The following SORCS3 variants were observed in gnomAD, a reference collection of about 807,000 sequenced individuals.
SORCS3 encodes VPS10 domain-containing receptor SorCS3.
A neutral mutation model predicts 146.3 loss-of-function variants in SORCS3; 57 were observed. The ratio of observed to expected loss-of-function variants is 0.39; its 90% CI spans 0.31 to 0.49. The LOEUF is 0.49. Among genes scored for constraint, SORCS3 ranks in the 20% least tolerant of loss-of-function variants. SORCS3 has a pLI of 0.92. For missense variants in SORCS3, 1,341 were observed against 1,575.5 expected, an observed-to-expected ratio of 0.85 and a Z score of 2.52; for synonymous variants, 653 against 618.5, an observed-to-expected ratio of 1.06 and a Z score of -0.83.
At chr10:104,719,714 A>T (rs2016520990) in intron 1 of SORCS3, among the ~76,000 whole-genome samples, 1 of 152,194 alleles carries the variant, frequency 6.6e-6, no homozygotes, top group African/African-American at 2.4e-5. Context: ...GGGTGTATTT[A>T]TTACTTTAAG....
At chr10:104,960,863 A>G (rs1283784952) in intron 3 of SORCS3, among the ~76,000 whole-genome samples, 2 of 152,108 alleles carry the variant, frequency 1.3e-5, no homozygotes, top group African/African-American at 2.4e-5. Context: ...CCCTTTTTTG[A>G]TGTTCACTGG....
intron 4 of SORCS3, among the ~76,000 whole-genome samples, chr10:104,988,165 T>TG (rs1564729256): frequency 6.6e-6 from 1 of 152,202 alleles, no homozygotes; most frequent in Non-Finnish European, 1.5e-5. Flanking sequence ...GTGAGGGGAC[T>TG]GCCTGCTCTC....
intron 14 of SORCS3, among the ~76,000 whole-genome samples, chr10:105,196,966 A>G (rs1465733257): frequency 6.6e-6 from 1 of 152,138 alleles, no homozygotes; most frequent in Non-Finnish European, 1.5e-5. Flanking sequence ...TGCTTCTTCC[A>G]TCTTCCTGAA....
At chr10:104,775,525 T>C (rs576076756) in intron 1 of SORCS3, among the ~76,000 whole-genome samples, 1 of 152,076 alleles carries the variant, frequency 6.6e-6, no homozygotes, top group South Asian at 2.1e-4. Flanking sequence ...GCATAAGAGA[T>C]GATATGTTCA....
chr10:104,876,750 T>TTCCTTCCTTACTTCCTTC (rs1296770635), intron 2 of SORCS3, among the ~76,000 whole-genome samples: 8 of 111,076 alleles, frequency 7.2e-5, no homozygotes, highest in African/African-American at 3.2e-4. Flanking sequence ...TTCCTTCCTT[T>TTCCTTCCTTACTTCCTTC]CTTTCTTTCT....
At chr10:105,226,826 G>A (rs1250916789) in intron 20 of SORCS3, among the ~76,000 whole-genome samples, 1 of 151,340 alleles carries the variant, frequency 6.6e-6, no homozygotes, top group African/African-American at 2.4e-5. Flanking sequence ...TTTTCTCTGG[G>A]TTTTTCAGTT....
chr10:104,905,205 A>G (rs1446730150), intron 2 of SORCS3, among the ~76,000 whole-genome samples: 3 of 152,206 alleles, frequency 2.0e-5, no homozygotes, highest in African/African-American at 4.8e-5. Flanking sequence ...CAATCACTCC[A>G]TAATTTTTAC....
intron 3 of SORCS3, among the ~76,000 whole-genome samples, chr10:104,926,278 T>C (rs2019144866): frequency 6.6e-6 from 1 of 152,232 alleles, no homozygotes; most frequent in Admixed American, 6.5e-5. Context: ...GAAAGACTGA[T>C]TGTTCTGCTC....
intron 14 of SORCS3, among the ~76,000 whole-genome samples, chr10:105,192,730 G>C (rs943923164): frequency 6.6e-6 from 1 of 152,108 alleles, no homozygotes; most frequent in Non-Finnish European, 1.5e-5. Flanking sequence ...CCTTTTCGAC[G>C]TTTTTTAGTG....
At chr10:105,016,555 A>G (rs1391981514) in intron 4 of SORCS3, among the ~76,000 whole-genome samples, 1 of 152,128 alleles carries the variant, frequency 6.6e-6, no homozygotes, top group East Asian at 1.9e-4. Context: ...CCATGTCTGT[A>G]GTCTAAAAGC....
intron 16 of SORCS3, among the ~76,000 whole-genome samples, chr10:105,204,138 A>G (rs1327715174): frequency 2.0e-5 from 3 of 152,120 alleles, no homozygotes. Flanking sequence ...TGGTAGAGGT[A>G]CCATGTGGAT....
At chr10:104,655,841 A>T (rs7910807) in intron 1 of SORCS3, among the ~76,000 whole-genome samples, 3,111 of 152,292 alleles carry the variant, frequency 0.02, 120 homozygotes, top group African/African-American at 0.072. Flanking sequence ...TTCTGCCATG[A>T]TTGGAAGTTT....
chr10:104,894,476 G>A (rs1363984438), intron 2 of SORCS3, among the ~76,000 whole-genome samples: 4 of 152,182 alleles, frequency 2.6e-5, no homozygotes, highest in Admixed American at 2.0e-4. Context: ...CTGTGCTTTA[G>A]CAAGGCAAAT....
At chr10:105,076,953 G>A (rs2055592871) in intron 5 of SORCS3, among the ~76,000 whole-genome samples, 1 of 152,170 alleles carries the variant, frequency 6.6e-6, no homozygotes, top group African/African-American at 2.4e-5. Flanking sequence ...CATATGACAT[G>A]GTGGTGGCTA....
chr10:105,252,703 A>G (rs1223628258), intron 22 of SORCS3, 72 bp from the exon 23 acceptor site: 19 of 1,595,878 alleles, frequency 1.2e-5, no homozygotes, highest in Non-Finnish European at 1.5e-5. Context: ...GGCTGTGCAC[A>G]CTCTGCTCTT....
chr10:104,812,351 T>C (rs1185042381), intron 1 of SORCS3, among the ~76,000 whole-genome samples: 1 of 152,206 alleles, frequency 6.6e-6, no homozygotes, highest in Non-Finnish European at 1.5e-5. Flanking sequence ...GGTCCATCCT[T>C]AGTTATTTCC....
At chr10:105,112,366 T>C (rs922598328) in intron 7 of SORCS3, among the ~76,000 whole-genome samples, 1 of 152,150 alleles carries the variant, frequency 6.6e-6, no homozygotes, top group African/African-American at 2.4e-5. Context: ...ACGGGCTTTA[T>C]GGAGAAGGTA....
chr10:105,211,704 C>T (rs2056635093), intron 17 of SORCS3, among the ~76,000 whole-genome samples: 2 of 152,172 alleles, frequency 1.3e-5, no homozygotes, highest in Non-Finnish European at 2.9e-5. Flanking sequence ...TCAAGGATCC[C>T]TTTCAGGAAT....
intron 1 of SORCS3, among the ~76,000 whole-genome samples, chr10:104,840,869 G>T (rs552171881): frequency 6.4e-4 from 8 of 12,418 alleles, no homozygotes; most frequent in South Asian, 2.5e-3. Context: ...GGTCTGACTT[G>T]CTCCTGCAGA....
Sources: allele counts gnomAD v4.1 joint callset (sites outside exome capture counted in the v4.1 genomes callset), GRCh38; gene constraint gnomAD v4.1.1; transcripts MANE v1.5; gene names NCBI Gene and HGNC (gene_info 2026-07-23, HGNC 2026-07-21).